The following MAPK8 variants were observed in gnomAD, a reference collection of about 807,000 sequenced individuals.
MAPK8 encodes mitogen-activated protein kinase 8.
A neutral mutation model predicts 52.9 loss-of-function variants in MAPK8; 13 were observed. That is an observed-to-expected ratio of 0.25 (90% CI 0.16 to 0.39). MAPK8 has a LOEUF of 0.39. Among genes scored for constraint, MAPK8 ranks in the 10% least tolerant of loss-of-function variants. The pLI is 1.00. For synonymous variants in MAPK8, 191 were observed against 169.8 expected (o/e 1.12, Z -0.97); for missense variants, 300 against 519.2 (o/e 0.58, Z 4.10).
At chr10:48,421,033 C>G (rs1037258175) in intron 6 of MAPK8, among the ~76,000 whole-genome samples, 1 of 152,138 alleles carries the variant, frequency 6.6e-6, no homozygotes, top group African/African-American at 2.4e-5. Context: ...ATGAATAAAT[C>G]TGCTAAGAAG....
chr10:48,416,771 G>A (rs2043087346), intron 5 of MAPK8, among the ~76,000 whole-genome samples: 1 of 152,062 alleles, frequency 6.6e-6, no homozygotes, highest in South Asian at 2.1e-4. Context: ...CGTGGGTGGG[G>A]AATATTCCTA....
Position 48,401,761 on chromosome 10 carries a change from CAG to C in MAPK8, c.102_103del (p.Gly35SerfsTer10). The C allele has an allele frequency of 6.5e-7, 1 of 1,532,640 alleles. No homozygotes were observed. 94.9% of individuals were successfully genotyped at this position (1,532,640 alleles called of 1,614,324 possible). On this transcript the variant is annotated frameshift_variant, in exon 2 of 12. Coordinates refer to ENST00000374189, the MANE Select transcript of MAPK8 (RefSeq NM_001323329.2). LOFTEE classifies it high-confidence loss of function. ...TATCAGAATTTAAAACCTATAGGCT[CAG>C]GAGCTCAAGGAATAGTATGGTAAGT...
chr10:48,348,503 G>C (rs1167286113), intron 1 of MAPK8, among the ~76,000 whole-genome samples: 1 of 152,112 alleles, frequency 6.6e-6, no homozygotes, highest in East Asian at 1.9e-4. Flanking sequence ...TTTTCTTCTA[G>C]GATTTTTATG....
chr10:48,306,936 TG>T (rs1371075842), intron 1 of MAPK8, 115 bp downstream of exon 1: 2 of 151,234 alleles, frequency 1.3e-5, no homozygotes, highest in South Asian at 2.0e-4. Flanking sequence ...CTCCTGGGAG[TG>T]GGGGCGGGAG....
chr10:48,380,300 T>TA (rs938874145), intron 1 of MAPK8, among the ~76,000 whole-genome samples: 7 of 152,190 alleles, frequency 4.6e-5, no homozygotes, highest in African/African-American at 1.7e-4. Flanking sequence ...ATCAGATGTT[T>TA]AGGAATTGCA....
At chr10:48,392,201 G>A (rs1301375117) in intron 1 of MAPK8, among the ~76,000 whole-genome samples, 1 of 152,168 alleles carries the variant, frequency 6.6e-6, no homozygotes, top group Non-Finnish European at 1.5e-5. Context: ...AAGGGTGTGG[G>A]ACAGGACCAC....
chr10:48,407,710 C>G (rs867511099), intron 3 of MAPK8, among the ~76,000 whole-genome samples: 6 of 152,222 alleles, frequency 3.9e-5, no homozygotes, highest in African/African-American at 1.2e-4. Flanking sequence ...ACAGTCAGTT[C>G]TAGAATAATT....
chr10:48,351,272 A>ATTTTTTTTTTTT (rs66660207), intron 1 of MAPK8, among the ~76,000 whole-genome samples: 1 of 129,536 alleles, frequency 7.7e-6, no homozygotes, highest in Non-Finnish European at 1.6e-5. Context: ...ATAACTTTGA[A>ATTTTTTTTTTTT]TTTTTTTTTT....
chr10:48,343,484 G>A (rs1259153040), intron 1 of MAPK8, among the ~76,000 whole-genome samples: 1 of 152,052 alleles, frequency 6.6e-6, no homozygotes, highest in Non-Finnish European at 1.5e-5. Flanking sequence ...GATAACATTC[G>A]CAGCTTCCAA....
chr10:48,314,807 A>G (rs1842341576), intron 1 of MAPK8, among the ~76,000 whole-genome samples: 1 of 152,212 alleles, frequency 6.6e-6, no homozygotes. Context: ...AATTTTACAA[A>G]TTGGCTCCAT....
chr10:48,350,254 C>T (rs777117432), intron 1 of MAPK8, among the ~76,000 whole-genome samples: 27 of 152,148 alleles, frequency 1.8e-4, no homozygotes, highest in Non-Finnish European at 3.1e-4. Flanking sequence ...GAGACTTCTC[C>T]GTAACTCATT....
chr10:48,323,726 A>T (rs1041565940), intron 1 of MAPK8, among the ~76,000 whole-genome samples: 1 of 152,242 alleles, frequency 6.6e-6, no homozygotes, highest in African/African-American at 2.4e-5. Flanking sequence ...TATCTTTAAT[A>T]GCCCCTTCTT....
At chr10:48,330,623 G>C (rs1458940994) in intron 1 of MAPK8, among the ~76,000 whole-genome samples, 2 of 152,208 alleles carry the variant, frequency 1.3e-5, no homozygotes, top group African/African-American at 2.4e-5. Context: ...TGGCAGTCTT[G>C]CAAGATCAGG....
intron 5 of MAPK8, among the ~76,000 whole-genome samples, chr10:48,417,437 T>A (rs554129429): frequency 2.6e-5 from 4 of 152,178 alleles, no homozygotes; most frequent in Non-Finnish European, 5.9e-5. Context: ...AATTATTATG[T>A]GAAAATGATG....
chr10:48,401,157 G>C (rs2042139724), intron 1 of MAPK8, among the ~76,000 whole-genome samples: 1 of 152,074 alleles, frequency 6.6e-6, no homozygotes, highest in African/African-American at 2.4e-5. Context: ...TCCATTTGTT[G>C]TTCCCTCCAC....
chr10:48,432,566 A>G (rs1481106245), intron 11 of MAPK8, among the ~76,000 whole-genome samples: 2 of 152,136 alleles, frequency 1.3e-5, no homozygotes, highest in Non-Finnish European at 2.9e-5. Context: ...TTGTATTGCT[A>G]TATAGTAGTA....
rs1001804404 is a variant in MAPK8, at chr10:48,436,681, A to T, written c.*1652A>T. The T allele has an allele frequency of 2.0e-5, 3 of 152,248 alleles. No homozygotes were observed. The highest frequency in any genetic ancestry group is 6.5e-5 in the Admixed American group (1 of 15,286). 9.4% of individuals were successfully genotyped at this position (152,248 alleles called of 1,614,324 possible). A position where few individuals can be genotyped will look rare whatever the true frequency, so the allele number is the denominator to read the frequency against. On this transcript the variant is annotated 3_prime_UTR_variant, in exon 12 of 12. Transcript: ENST00000374189. ...ATTATTTTTGAGTGAGATATTTTAC[A>T]TCACTGTTAATGTGCAATATTTAAG...
intron 1 of MAPK8, among the ~76,000 whole-genome samples, chr10:48,393,812 GAGA>G (rs2041750954): frequency 6.6e-6 from 1 of 151,894 alleles, no homozygotes; most frequent in Non-Finnish European, 1.5e-5. Context: ...AACAAGCAAT[GAGA>G]AGAAAATAAA....
At chr10:48,433,460 C>T (rs2044537888) in intron 11 of MAPK8, among the ~76,000 whole-genome samples, 1 of 152,138 alleles carries the variant, frequency 6.6e-6, no homozygotes, top group South Asian at 2.1e-4. Context: ...ATTGATTGAA[C>T]TAAATAGAAT....
Sources: allele counts gnomAD v4.1 joint callset (sites outside exome capture counted in the v4.1 genomes callset), GRCh38; gene constraint gnomAD v4.1.1; transcripts MANE v1.5; gene names NCBI Gene and HGNC (gene_info 2026-07-23, HGNC 2026-07-21).